The following MARCHF1 variants were observed in gnomAD, a reference collection of about 807,000 sequenced individuals.
The protein encoded by MARCHF1 is E3 ubiquitin-protein ligase MARCHF1.
A neutral mutation model predicts 54.2 loss-of-function variants in MARCHF1; 40 were observed. The observed-to-expected ratio is 0.74, with a 90% CI of 0.57 to 0.96. MARCHF1 has a LOEUF of 0.96. MARCHF1 is among the 40% of genes least tolerant of loss of function. The pLI, the probability that MARCHF1 is intolerant of heterozygous loss-of-function variation, is 0.00. For missense variants in MARCHF1, 586 were observed against 656.5 expected (o/e 0.89, Z 1.17); for synonymous variants, 236 against 236.3 (o/e 1.00, Z 0.01).
intron 3 of MARCHF1, among the ~76,000 whole-genome samples, chr4:163,934,397 AT>A (rs138272465): frequency 0.097 from 14,431 of 149,180 alleles, 714 homozygotes; most frequent in Non-Finnish European, 0.1. Context: ...CATCTCTGCA[AT>A]TTTTTTTTTA....
intron 1 of MARCHF1, among the ~76,000 whole-genome samples, chr4:164,277,612 T>C (rs1733920101): frequency 1.3e-5 from 2 of 152,382 alleles, no homozygotes. Context: ...CAACTTTTAA[T>C]CTCAGCAGGA....
chr4:163,786,040 A>G (rs996725642), intron 4 of MARCHF1, among the ~76,000 whole-genome samples: 3 of 152,048 alleles, frequency 2.0e-5, no homozygotes, highest in African/African-American at 7.2e-5. Flanking sequence ...GAGGCAGGAA[A>G]TGTGGGTAGC....
intron 1 of MARCHF1, among the ~76,000 whole-genome samples, chr4:164,215,440 G>T (rs1731902875): frequency 6.6e-6 from 1 of 152,114 alleles, no homozygotes; most frequent in Non-Finnish European, 1.5e-5. Flanking sequence ...ATAGGCACAG[G>T]ATGGGGGTGT....
chr4:163,545,947 ATGTGTGTGTGTGTGTGTG>A lies in MARCHF1; in HGVS notation c.1192-222_1192-205del, dbSNP rs70948653. On this transcript the variant is annotated intron_variant, in intron 8 of 9. Transcript: ENST00000514618. ...AGAGTTACATATAACTTAAATACAT[ATGTGTGTGTGTGTGTGTG>A]TGTGTGTGTGTGTGTGTGTATTTTT... Among the ~76,000 whole-genome samples the A allele has an allele frequency of 1.4e-4, 21 of 149,052 alleles. No individual in the cohort carries two copies. In the East Asian group the frequency reaches 3.0e-3, roughly 21 times the overall value.
At chr4:164,290,488 G>T (rs562724214) in intron 1 of MARCHF1, among the ~76,000 whole-genome samples, 1 of 151,716 alleles carries the variant, frequency 6.6e-6, no homozygotes, top group South Asian at 2.1e-4. Flanking sequence ...TCACAACTTT[G>T]GTGATGTCAC....
At chr4:163,573,787 C>G (rs1466899073) in intron 8 of MARCHF1, among the ~76,000 whole-genome samples, 20 of 151,910 alleles carry the variant, frequency 1.3e-4, no homozygotes. Context: ...GTGCATGTGT[C>G]TTTATAGCAG....
chr4:164,178,223 C>T (rs1264146424), intron 1 of MARCHF1, among the ~76,000 whole-genome samples: 1 of 152,186 alleles, frequency 6.6e-6, no homozygotes, highest in African/African-American at 2.4e-5. Flanking sequence ...CTACTGTGTA[C>T]TGTCTTGTTA....
intron 2 of MARCHF1, among the ~76,000 whole-genome samples, chr4:164,035,844 G>T (rs1199065245): frequency 9.3e-5 from 14 of 151,048 alleles, no homozygotes; most frequent in Non-Finnish European, 1.9e-4. Context: ...GCTTTGGGAG[G>T]GGGAGGCGGG....
chr4:163,817,804 C>A (rs546471097), intron 4 of MARCHF1, among the ~76,000 whole-genome samples: 90 of 151,720 alleles, frequency 5.9e-4, no homozygotes, highest in African/African-American at 2.0e-3. Context: ...AGTTCATGTC[C>A]TTTGTAGGGA....
chr4:164,292,805 G>T (rs547963136), intron 1 of MARCHF1, among the ~76,000 whole-genome samples: 1 of 152,214 alleles, frequency 6.6e-6, no homozygotes, highest in African/African-American at 2.4e-5. Flanking sequence ...AATATATGTT[G>T]TTAAATCATA....
chr4:164,054,963 C>T (rs976047715), intron 2 of MARCHF1, among the ~76,000 whole-genome samples: 48 of 152,034 alleles, frequency 3.2e-4, no homozygotes, highest in African/African-American at 1.1e-3. Context: ...ATTATTTATA[C>T]TGTCATGTAA....
At chr4:163,886,386 G>C (rs1051291697) in intron 3 of MARCHF1, among the ~76,000 whole-genome samples, 1 of 151,690 alleles carries the variant, frequency 6.6e-6, no homozygotes, top group African/African-American at 2.4e-5. Context: ...GAGGTACCTA[G>C]AGAGACGGGG....
At chr4:164,299,116 T>G (rs1734485516) in intron 1 of MARCHF1, among the ~76,000 whole-genome samples, 1 of 152,186 alleles carries the variant, frequency 6.6e-6, no homozygotes. Flanking sequence ...AATTAAAATT[T>G]TAGAAAACAT....
At chr4:163,683,329 A>T (rs1744167166) in intron 5 of MARCHF1, among the ~76,000 whole-genome samples, 1 of 152,174 alleles carries the variant, frequency 6.6e-6, no homozygotes, top group Non-Finnish European at 1.5e-5. Context: ...AAACCATCAG[A>T]TCTTGTGAGA....
At chr4:163,864,655 T>C (rs953069664) in intron 3 of MARCHF1, among the ~76,000 whole-genome samples, 1 of 151,988 alleles carries the variant, frequency 6.6e-6, no homozygotes, top group African/African-American at 2.4e-5. Flanking sequence ...TGGGAACTCC[T>C]TGCAATAGGT....
At chr4:163,789,369 A>G (rs1747708715) in intron 4 of MARCHF1, among the ~76,000 whole-genome samples, 1 of 151,994 alleles carries the variant, frequency 6.6e-6, no homozygotes, top group Non-Finnish European at 1.5e-5. Flanking sequence ...TTGGCGAAGG[A>G]GAGGATCAGG....
chr4:164,174,759 T>C (rs947213569), intron 1 of MARCHF1, among the ~76,000 whole-genome samples: 1 of 152,240 alleles, frequency 6.6e-6, no homozygotes, highest in African/African-American at 2.4e-5. Flanking sequence ...GATAGTTGTA[T>C]AGCTGTGCCT....
chr4:163,535,669 C>A (rs1282712531), intron 9 of MARCHF1, among the ~76,000 whole-genome samples: 1 of 151,976 alleles, frequency 6.6e-6, no homozygotes, highest in African/African-American at 2.4e-5. Flanking sequence ...CTAAGTAACA[C>A]AGTGGCATCA....
chr4:163,529,361 C>T (rs1341069277), intron 9 of MARCHF1, among the ~76,000 whole-genome samples: 2 of 151,978 alleles, frequency 1.3e-5, no homozygotes, highest in Non-Finnish European at 2.9e-5. Context: ...CATTTGGACA[C>T]TGACATTTAT....
Sources: allele counts gnomAD v4.1 joint callset (sites outside exome capture counted in the v4.1 genomes callset), GRCh38; gene constraint gnomAD v4.1.1; transcripts MANE v1.5; gene names NCBI Gene and HGNC (gene_info 2026-07-23, HGNC 2026-07-21).